The following TSPAN11 variants were observed in gnomAD, a reference collection of about 807,000 sequenced individuals.
TSPAN11 encodes tetraspanin 11.
TSPAN11 carries 29 observed loss-of-function variants against 32.9 expected under a neutral mutation model. That is an observed-to-expected ratio of 0.88 (90% CI 0.66 to 1.20). The LOEUF is 1.20. Among genes scored for constraint, TSPAN11 ranks in the 50% most tolerant of loss-of-function variants. The probability of loss-of-function intolerance (pLI) is 0.00; values close to 1 mark genes in which losing one functional copy is unlikely to be tolerated. For missense variants in TSPAN11, 283 were observed against 329.1 expected (o/e 0.86, Z 1.08); for synonymous variants, 140 against 141.3 (o/e 0.99, Z 0.07).
intron 3 of TSPAN11, among the ~76,000 whole-genome samples, chr12:30,971,404 C>G (rs1325028305): frequency 6.6e-6 from 1 of 152,210 alleles, no homozygotes; most frequent in Non-Finnish European, 1.5e-5. Flanking sequence ...CCCAAAATCT[C>G]TATCTGGGGC....
intron 1 of TSPAN11, among the ~76,000 whole-genome samples, chr12:30,932,634 C>G (rs1937957118): frequency 6.6e-6 from 1 of 152,076 alleles, no homozygotes; most frequent in Non-Finnish European, 1.5e-5. Flanking sequence ...TGATTCATAC[C>G]CTGTTTGTGT....
chr12:30,989,426 C>T (rs978318744), intron 7 of TSPAN11, among the ~76,000 whole-genome samples: 4 of 152,104 alleles, frequency 2.6e-5, no homozygotes, highest in African/African-American at 9.7e-5. Flanking sequence ...TGCCTGGCCT[C>T]TCAAAGGATT....
chr12:30,958,381 GA>G (rs903749860), intron 2 of TSPAN11, among the ~76,000 whole-genome samples: 4 of 152,224 alleles, frequency 2.6e-5, no homozygotes, highest in African/African-American at 9.6e-5. Flanking sequence ...GAGCTGGGGA[GA>G]AATGCATGCC....
At chr12:30,974,824 G>A (rs1303661201) in intron 3 of TSPAN11, among the ~76,000 whole-genome samples, 1 of 152,242 alleles carries the variant, frequency 6.6e-6, no homozygotes, top group Non-Finnish European at 1.5e-5. Context: ...GGCAGGCGAA[G>A]GGGAGGGACA....
chr12:30,961,029 G>GA (rs113586330), intron 2 of TSPAN11, among the ~76,000 whole-genome samples: 73,732 of 138,308 alleles, frequency 0.53, 19,793 homozygotes, highest in Non-Finnish European at 0.6. Context: ...ACAGAGCGAG[G>GA]AAAAAAAAAA....
chr12:30,977,954 G>A (rs933223407), intron 3 of TSPAN11, among the ~76,000 whole-genome samples: 1 of 152,168 alleles, frequency 6.6e-6, no homozygotes, highest in Admixed American at 6.5e-5. Flanking sequence ...CTGAGCCTTG[G>A]TTGTCACAGT....
At chr12:30,989,480 T>C (rs1939268008) in intron 7 of TSPAN11, among the ~76,000 whole-genome samples, 1 of 152,160 alleles carries the variant, frequency 6.6e-6, no homozygotes, top group African/African-American at 2.4e-5. Context: ...GTTCTTGTTA[T>C]TCTAGTTTTT....
the TSPAN11 span, among the ~76,000 whole-genome samples, chr12:31,009,528 G>A: frequency 2.6e-5 from 4 of 152,178 alleles, no homozygotes; most frequent in African/African-American, 9.7e-5. Context: ...TGGGCTGTGT[G>A]AGCCATGAAG....
intron 5 of TSPAN11, among the ~76,000 whole-genome samples, chr12:30,979,942 T>C (rs1443934208): frequency 6.6e-6 from 1 of 152,148 alleles, no homozygotes; most frequent in Non-Finnish European, 1.5e-5. Flanking sequence ...GCCTTCCCGT[T>C]CTGGGGCCTC....
intron 7 of TSPAN11, among the ~76,000 whole-genome samples, chr12:30,985,796 G>A (rs1485729787): frequency 6.6e-6 from 1 of 152,272 alleles, no homozygotes; most frequent in South Asian, 2.1e-4. Context: ...AAACCGCACA[G>A]CTGCATAAGT....
intron 1 of TSPAN11, among the ~76,000 whole-genome samples, chr12:30,943,841 C>T (rs1938214920): frequency 6.6e-6 from 1 of 152,226 alleles, no homozygotes; most frequent in South Asian, 2.1e-4. Flanking sequence ...GAAACGGGCA[C>T]AGAAGGACAA....
intron 4 of TSPAN11, 125 bp downstream of exon 4, chr12:30,978,760 C>T (rs888485444): frequency 5.7e-6 from 5 of 876,774 alleles, no homozygotes; most frequent in Non-Finnish European, 3.7e-6. Flanking sequence ...TTCCCAGGCC[C>T]CGGCAATCCC....
intron 1 of TSPAN11, among the ~76,000 whole-genome samples, chr12:30,927,398 G>C (rs1937822733): frequency 6.6e-6 from 1 of 152,248 alleles, no homozygotes; most frequent in Admixed American, 6.5e-5. Flanking sequence ...GGAAGGTTCT[G>C]GGGTGTATCC....
intron 1 of TSPAN11, among the ~76,000 whole-genome samples, chr12:30,953,697 G>A (rs1024928232): frequency 6.6e-6 from 1 of 152,258 alleles, no homozygotes; most frequent in Non-Finnish European, 1.5e-5. Context: ...TAAGAACACA[G>A]TAAGACCAGC....
At chr12:30,960,102 A>C (rs1938582122) in intron 2 of TSPAN11, among the ~76,000 whole-genome samples, 1 of 113,476 alleles carries the variant, frequency 8.8e-6, no homozygotes, top group Admixed American at 1.3e-4. Context: ...GGAGGAGCCT[A>C]CAGTGACCCT....
At chr12:30,986,514 G>C (rs529983545) in intron 7 of TSPAN11, among the ~76,000 whole-genome samples, 1 of 152,304 alleles carries the variant, frequency 6.6e-6, no homozygotes, top group South Asian at 2.1e-4. Flanking sequence ...GCCCTTGGTG[G>C]CCCTGAGCTA....
At chr12:30,932,403 G>A (rs1937950807) in intron 1 of TSPAN11, among the ~76,000 whole-genome samples, 1 of 152,188 alleles carries the variant, frequency 6.6e-6, no homozygotes, top group African/African-American at 2.4e-5. Flanking sequence ...GTGCATATAT[G>A]CACGTGTATT....
At chr12:30,973,184 G>A (rs191843924) in intron 3 of TSPAN11, among the ~76,000 whole-genome samples, 3 of 152,276 alleles carry the variant, frequency 2.0e-5, no homozygotes, top group Non-Finnish European at 2.9e-5. Flanking sequence ...CGCTCACCAC[G>A]TACTTGCTAT....
chr12:30,939,012 C>T (rs1223954157), intron 1 of TSPAN11, among the ~76,000 whole-genome samples: 1 of 152,038 alleles, frequency 6.6e-6, no homozygotes, highest in African/African-American at 2.4e-5. Flanking sequence ...GTGGGTGGAT[C>T]ACTTGACACC....
Sources: gnomAD v4.1 joint callset for allele counts (sites outside exome capture counted in the v4.1 genomes callset) on GRCh38, gnomAD v4.1.1 for gene constraint, MANE v1.5 for transcripts, NCBI Gene and HGNC (gene_info 2026-07-23, HGNC 2026-07-21) for gene names.